Variants in RTF1 observed in about 807,000 individuals in gnomAD.
RTF1 encodes RNA polymerase-associated protein RTF1 homolog.
In RTF1, 10 loss-of-function variants were observed where a neutral mutation model predicts 95.7. The ratio of observed to expected loss-of-function variants is 0.10; its 90% CI spans 0.06 to 0.18. The LOEUF is 0.18. Ranked by LOEUF, RTF1 falls within the 10% of genes least tolerant of loss-of-function variation. RTF1 has a pLI of 1.00. For missense variants in RTF1, 458 were observed against 875.6 expected, an observed-to-expected ratio of 0.52 and a Z score of 6.02; for synonymous variants, 305 against 311.8, an observed-to-expected ratio of 0.98 and a Z score of 0.23.
intron 1 of RTF1, among the ~76,000 whole-genome samples, chr15:41,432,283 C>T (rs981306699): frequency 8.6e-5 from 13 of 151,236 alleles, no homozygotes; most frequent in African/African-American, 2.9e-4. Flanking sequence ...CTGCAAGTTC[C>T]GCCTCCCGGG....
In RTF1 at chr15:41,418,879, G is replaced by A. The variant is rs570271663; in HGVS notation, c.198+1566G>A. On this transcript the variant is annotated intron_variant, in intron 1 of 17. Transcript: ENST00000389629. Reference sequence around the variant, plus strand: ...TATTTATTTATTTTTTTTTGAGACGGAGTCTCGCACTGTCGCCCAGGCTGG... The same window carrying A: ...TATTTATTTATTTTTTTTTGAGACGAAGTCTCGCACTGTCGCCCAGGCTGG... Among the ~76,000 whole-genome samples the A allele has an allele frequency of 1.7e-4, 26 of 151,850 alleles. No individual in the cohort carries two copies. The South Asian group carries it at 5.0e-3, about 29-fold the overall frequency.
At chr15:41,421,508 C>A in intron 1 of RTF1, among the ~76,000 whole-genome samples, 1 of 150,910 alleles carries the variant, frequency 6.6e-6, no homozygotes. Context: ...TGGCGTGCCT[C>A]TAGTCTCAGC....
intron 2 of RTF1, 68 bp downstream of exon 2, chr15:41,438,499 G>A: frequency 9.9e-7 from 1 of 1,007,770 alleles, no homozygotes; most frequent in African/African-American, 1.6e-5. Context: ...GGTGGCTCCT[G>A]TTGGCCTCAT....
At chr15:41,455,391 G>A (rs1019780191) in intron 3 of RTF1, among the ~76,000 whole-genome samples, 1 of 152,032 alleles carries the variant, frequency 6.6e-6, no homozygotes, top group African/African-American at 2.4e-5. Context: ...GGCCTTTGCA[G>A]CAACTTCAGT....
chr15:41,468,517 C>T (rs919238942), intron 6 of RTF1, among the ~76,000 whole-genome samples: 12 of 152,204 alleles, frequency 7.9e-5, no homozygotes, highest in African/African-American at 2.4e-4. Flanking sequence ...AGGGGTTTCA[C>T]CATGTTAGCC....
chr15:41,479,971 C>G (rs1202562524), intron 16 of RTF1, among the ~76,000 whole-genome samples: 1 of 152,090 alleles, frequency 6.6e-6, no homozygotes, highest in African/African-American at 2.4e-5. Flanking sequence ...TGACCCGTTG[C>G]TTAAGCCCAC....
chr15:41,421,747 C>T (rs1454224798), intron 1 of RTF1, among the ~76,000 whole-genome samples: 1 of 149,044 alleles, frequency 6.7e-6, no homozygotes, highest in Non-Finnish European at 1.5e-5. Flanking sequence ...TCACTCCTGT[C>T]ACCCAGGCTG....
At position 41,435,764 on chromosome 15, in the gene RTF1, T is replaced by C. The variant is rs144546646; in HGVS notation, c.199-2557T>C. Among the ~76,000 whole-genome samples, 1,150 of 152,348 alleles carry C rather than the reference T, an allele frequency of 7.5e-3. 19 individuals carry two copies. The highest frequency in any genetic ancestry group is 0.026 in the African/African-American group (1,086 of 41,580). ...ATAAAACAGATACTTTGTAGCAGTC[T>C]ATTATTTTACAGTCTGTCTTGGCAC... On this transcript the variant is annotated intron_variant, in intron 1 of 17. Coordinates refer to ENST00000389629, the MANE Select transcript of RTF1 (RefSeq NM_015138.5).
intron 2 of RTF1, 31 bp downstream of exon 2, chr15:41,438,462 C>T (rs1219145442): frequency 2.1e-6 from 3 of 1,442,136 alleles, no homozygotes; most frequent in Non-Finnish European, 2.8e-6. Context: ...CTTCTGGGAC[C>T]ATTAGATAGT....
intron 8 of RTF1, among the ~76,000 whole-genome samples, chr15:41,473,783 G>A (rs2050928004): frequency 1.3e-5 from 2 of 149,794 alleles, no homozygotes; most frequent in Middle Eastern, 3.4e-3. Context: ...AGTGGCTCAC[G>A]CCTGTAATCC....
chr15:41,449,284 G>T (rs2730058), intron 2 of RTF1, among the ~76,000 whole-genome samples: 1 of 142,688 alleles, frequency 7.0e-6, no homozygotes, highest in Non-Finnish European at 1.5e-5. Flanking sequence ...AGGCTGGAGT[G>T]CAGTGGTACG....
rs367690575 is a variant in RTF1, at chr15:41,475,520, T to C, written c.1287-5T>C. 3.1e-5 allele frequency: 50 copies of C among 1,612,932 alleles called. No homozygotes were observed. The African/African-American group carries it at 5.7e-4, about 19-fold the overall frequency. On this transcript the variant is annotated splice_polypyrimidine_tract_variant and splice_region_variant and intron_variant, in intron 9 of 17. Transcript: ENST00000389629. The stretch of plus-strand genomic sequence containing the variant: ...TCTTGGAGATGCTGTCTCTCTTTTA[T>C]GTAGGCATGGCAATGACCAACGCGT...
At chr15:41,460,898 A>G (rs1377712820) in intron 4 of RTF1, among the ~76,000 whole-genome samples, 1 of 139,520 alleles carries the variant, frequency 7.2e-6, no homozygotes, top group Non-Finnish European at 1.5e-5. Flanking sequence ...TTTTTTTGAG[A>G]TGGAGTCTCA....
chr15:41,478,945 T>C, intron 15 of RTF1, 158 bp from the exon 16 acceptor site: 2 of 205,290 alleles, frequency 9.7e-6, no homozygotes, highest in East Asian at 1.2e-4. Context: ...GTAATTGCCT[T>C]TTTTTTTTTT....
chr15:41,480,704 G>GCTT lies in RTF1; in HGVS notation c.*20_*22dup, dbSNP rs746434822. The GCTT allele has an allele frequency of 7.6e-6, 12 of 1,572,984 alleles. No homozygotes were observed. Among genetic ancestry groups the GCTT allele is most frequent in the Non-Finnish European group, 1.1e-5 (12 of 1,142,470 alleles). On this transcript the variant is annotated 3_prime_UTR_variant, in exon 18 of 18. Transcript: ENST00000389629. Reference sequence around the variant, plus strand: ...CTTATTTGAGCACACCCAGCCTGCTGCTTCTGACCCTGCATGCCCCATCGC... The same window carrying GCTT: ...CTTATTTGAGCACACCCAGCCTGCTGCTTCTTCTGACCCTGCATGCCCCATCGC...
Position 41,477,184 on chromosome 15 carries a change from G to A in RTF1, c.1580G>A (p.Gly527Glu). The A allele has an allele frequency of 1.2e-6, 2 of 1,614,190 alleles. No homozygotes were observed. Among genetic ancestry groups the A allele is most frequent in the Non-Finnish European group, 1.7e-6 (2 of 1,180,040 alleles). The change falls in exon 13 of 18, where the codon GGG becomes GAG. Residue 527 changes from glycine to glutamate, a missense_variant. Physicochemically the swap from Gly to Glu is moderately conservative, Grantham distance 98 (BLOSUM62 -2). Coordinates refer to ENST00000389629, the MANE Select transcript of RTF1 (RefSeq NM_015138.5). ...GTGTAGGCCATGGCTGAGGACCTGG[G>A]GGATCAGGACAAGGCCAAACAAATC... ...LKEKAMAEDL[G>E]DQDKAKQIQD...
intron 4 of RTF1, among the ~76,000 whole-genome samples, chr15:41,462,036 T>G (rs1189721375): frequency 6.6e-6 from 1 of 151,652 alleles, no homozygotes; most frequent in Non-Finnish European, 1.5e-5. Context: ...GTTACAGGTG[T>G]GAACCACCAC....
At chr15:41,420,013 G>T (rs2050592298) in intron 1 of RTF1, among the ~76,000 whole-genome samples, 1 of 152,038 alleles carries the variant, frequency 6.6e-6, no homozygotes, top group Non-Finnish European at 1.5e-5. Context: ...TGGAGACAGG[G>T]TTTCTCCATG....
intron 3 of RTF1, 41 bp from the exon 4 acceptor site, chr15:41,457,631 C>T (rs779060821): frequency 6.3e-7 from 1 of 1,589,702 alleles, no homozygotes; most frequent in East Asian, 2.2e-5. Context: ...GGCCTGTCTT[C>T]TGTAGCATAG....
Sources: allele counts gnomAD v4.1 joint callset (sites outside exome capture counted in the v4.1 genomes callset), GRCh38; gene constraint gnomAD v4.1.1; transcripts MANE v1.5; gene names NCBI Gene and HGNC (gene_info 2026-07-23, HGNC 2026-07-21).